SEMA3D: variants seen among roughly 807,000 people sequenced by gnomAD.
SEMA3D encodes semaphorin 3D.
SEMA3D carries 84 observed loss-of-function variants against 100.1 expected under a neutral mutation model. The ratio of observed to expected loss-of-function variants is 0.84; its 90% CI spans 0.70 to 1.01. The LOEUF (loss-of-function observed/expected upper bound fraction) is 1.01. Among genes scored for constraint, SEMA3D ranks in the 50% least tolerant of loss-of-function variants. The pLI, the probability that SEMA3D is intolerant of heterozygous loss-of-function variation, is 0.00. For missense variants in SEMA3D, 875 were observed against 934.1 expected, an observed-to-expected ratio of 0.94 and a Z score of 0.82; for synonymous variants, 312 against 320.7, an observed-to-expected ratio of 0.97 and a Z score of 0.29.
chr7:85,164,959 A>G (rs924479204), intron 1 of SEMA3D, among the ~76,000 whole-genome samples: 2 of 151,574 alleles, frequency 1.3e-5, no homozygotes, highest in African/African-American at 2.4e-5. Flanking sequence ...GATGTCATTT[A>G]GCGTTAGGTA....
At chr7:85,083,892 A>G (rs1788140340) in intron 4 of SEMA3D, among the ~76,000 whole-genome samples, 2 of 148,608 alleles carry the variant, frequency 1.3e-5, no homozygotes, top group South Asian at 4.3e-4. Context: ...TCACGCCTCT[A>G]ATCCCAGCAC....
intron 2 of SEMA3D, chr7:85,141,179 A>G (rs563292516): frequency 2.0e-6 from 2 of 984,374 alleles, no homozygotes; most frequent in African/African-American, 3.5e-5. Flanking sequence ...TAGTTGCAGC[A>G]CTATCATTTT....
intron 1 of SEMA3D, among the ~76,000 whole-genome samples, chr7:85,157,407 G>T (rs1228222135): frequency 6.6e-6 from 1 of 152,086 alleles, no homozygotes. Context: ...CTGGAAAGAT[G>T]CTTTTATAAG....
chr7:85,203,722 A>C, the SEMA3D span, among the ~76,000 whole-genome samples: 1 of 152,162 alleles, frequency 6.6e-6, no homozygotes, highest in South Asian at 2.1e-4. Context: ...AGTTTGTAAA[A>C]GTAGATGTGG....
At chr7:85,105,632 A>C (rs754972246) in intron 3 of SEMA3D, among the ~76,000 whole-genome samples, 1 of 152,090 alleles carries the variant, frequency 6.6e-6, no homozygotes, top group Non-Finnish European at 1.5e-5. Flanking sequence ...GCTCTCTTAG[A>C]TATCATTAAG....
the SEMA3D span, among the ~76,000 whole-genome samples, chr7:85,222,023 A>G: frequency 3.9e-5 from 6 of 152,170 alleles, no homozygotes; most frequent in Admixed American, 6.6e-5. Context: ...GAAATCCCCA[A>G]TCAAATTTAG....
chr7:85,155,277 T>G (rs1790555936), intron 1 of SEMA3D, among the ~76,000 whole-genome samples: 1 of 152,174 alleles, frequency 6.6e-6, no homozygotes, highest in African/African-American at 2.4e-5. Flanking sequence ...AATTTTGTAT[T>G]TTCTCTTGTA....
the SEMA3D span, among the ~76,000 whole-genome samples, chr7:85,214,044 C>A: frequency 6.6e-6 from 1 of 152,152 alleles, no homozygotes; most frequent in Non-Finnish European, 1.5e-5. Context: ...TAAACGTGCA[C>A]AATCCTATAT....
Position 85,121,939 on chromosome 7 carries a change from A to T in SEMA3D, c.-40-8T>A. On this transcript the variant is annotated splice_polypyrimidine_tract_variant and splice_region_variant and intron_variant, in intron 2 of 18. Transcript: ENST00000284136. ...AAATGGTGTTAATTTAATCTAAAAA[A>T]GAGTAAAAAAAAAAAAACTATTAAG... The T allele has an allele frequency of 7.1e-7, 1 of 1,401,940 alleles. No individual in the cohort carries two copies. The highest frequency in any genetic ancestry group is 2.4e-5 in the East Asian group (1 of 40,878). The allele number at this position is 1,401,940 out of a possible 1,614,324, so 86.8% of individuals were successfully genotyped here.
At chr7:85,050,712 T>C (rs1222997716) in intron 9 of SEMA3D, 1 of 516,412 alleles carries the variant, frequency 1.9e-6, no homozygotes, top group Non-Finnish European at 3.4e-6. Context: ...ACTTTGACTA[T>C]GTTCAGAAAT....
At chr7:85,185,865 A>C (rs1377101393) in intron 1 of SEMA3D, among the ~76,000 whole-genome samples, 1 of 152,002 alleles carries the variant, frequency 6.6e-6, no homozygotes, top group Non-Finnish European at 1.5e-5. Context: ...TGGGGACCGC[A>C]CTCCTGGTTA....
intron 1 of SEMA3D, among the ~76,000 whole-genome samples, chr7:85,173,709 C>T (rs1457245923): frequency 1.3e-5 from 2 of 152,190 alleles, no homozygotes; most frequent in African/African-American, 2.4e-5. Flanking sequence ...CCTGTATTAA[C>T]CCATGTGTTC....
chr7:85,101,674 T>C (rs913289661), intron 3 of SEMA3D, among the ~76,000 whole-genome samples: 1 of 152,038 alleles, frequency 6.6e-6, no homozygotes, highest in Admixed American at 6.6e-5. Context: ...AACAATGATG[T>C]ATTTTTAAAA....
chr7:85,133,440 TCTTACTACA>T (rs1193978853), intron 2 of SEMA3D, among the ~76,000 whole-genome samples: 1 of 151,990 alleles, frequency 6.6e-6, no homozygotes, highest in Non-Finnish European at 1.5e-5. Context: ...ATATAATACC[TCTTACTACA>T]TGATCTCAGA....
At chr7:85,235,363 T>C in the SEMA3D span, among the ~76,000 whole-genome samples, 2 of 152,200 alleles carry the variant, frequency 1.3e-5, no homozygotes, top group African/African-American at 2.4e-5. Flanking sequence ...GGTGCTCTTG[T>C]CTTATTCATC....
At chr7:85,080,274 T>C (rs1172949063) in intron 5 of SEMA3D, among the ~76,000 whole-genome samples, 1 of 152,170 alleles carries the variant, frequency 6.6e-6, no homozygotes, top group Admixed American at 6.5e-5. Context: ...GAGTTTCATA[T>C]ACATATTTAG....
At chr7:85,249,312 A>T in the SEMA3D span, among the ~76,000 whole-genome samples, 4 of 152,184 alleles carry the variant, frequency 2.6e-5, no homozygotes, top group South Asian at 8.3e-4. Context: ...AAACAAGGAA[A>T]GCCTCAAAAA....
intron 8 of SEMA3D, among the ~76,000 whole-genome samples, chr7:85,060,138 A>T (rs530348287): frequency 6.6e-6 from 1 of 152,178 alleles, no homozygotes; most frequent in Non-Finnish European, 1.5e-5. Flanking sequence ...TCTCTTAAAT[A>T]TTGGCTCTCT....
the SEMA3D span, among the ~76,000 whole-genome samples, chr7:85,197,100 T>C: frequency 1.3e-5 from 2 of 152,120 alleles, no homozygotes; most frequent in East Asian, 1.9e-4. Context: ...AATGAACATG[T>C]TTTATCCAAA....
Sources: allele counts gnomAD v4.1 joint callset (sites outside exome capture counted in the v4.1 genomes callset), GRCh38; gene constraint gnomAD v4.1.1; transcripts MANE v1.5; gene names NCBI Gene and HGNC (gene_info 2026-07-23, HGNC 2026-07-21).